The following PCYT1A variants were observed in gnomAD, a reference collection of about 807,000 sequenced individuals.
PCYT1A encodes phosphate cytidylyltransferase 1A, choline.
A neutral mutation model predicts 43.7 loss-of-function variants in PCYT1A; 25 were observed. That is an observed-to-expected ratio of 0.57 (90% CI 0.42 to 0.80). The LOEUF is 0.80. Ranked by LOEUF, PCYT1A falls within the 30% of genes least tolerant of loss-of-function variation. PCYT1A has a pLI of 0.00. For missense variants in PCYT1A, 421 were observed against 474.2 expected, an observed-to-expected ratio of 0.89 and a Z score of 1.04; for synonymous variants, 172 against 170.7, an observed-to-expected ratio of 1.01 and a Z score of -0.06.
chr3:196,263,693 C>T (rs995628345), intron 2 of PCYT1A, among the ~76,000 whole-genome samples: 8 of 152,004 alleles, frequency 5.3e-5, no homozygotes, highest in South Asian at 4.2e-4. Flanking sequence ...AGTACAGTGG[C>T]GCGATCTCGG....
Position 196,247,956 on chromosome 3 carries a change from G to C in PCYT1A, c.334+251C>G, listed in dbSNP as rs555889875. 18 of 535,944 alleles carry C rather than the reference G, an allele frequency of 3.4e-5. No homozygotes were observed. Among genetic ancestry groups the C allele is most frequent in the Admixed American group, 1.3e-4 (4 of 31,558 alleles). 33.2% of individuals were successfully genotyped at this position (535,944 alleles called of 1,614,324 possible). Reference sequence around the variant, plus strand: ...TTTTAAAGTGGACAACGGAAGTCACGGCTGCTCCTGTGACCACAGAAACTC... The same window carrying C: ...TTTTAAAGTGGACAACGGAAGTCACCGCTGCTCCTGTGACCACAGAAACTC... On this transcript the variant is annotated intron_variant, in intron 4 of 8. Coordinates refer to ENST00000431016, the MANE Select transcript of PCYT1A (RefSeq NM_001312673.2). This position sits in a 1 kb window ranked among gnomAD's most constrained non-coding sequence, Gnocchi z 4.8.
At position 196,247,403 on chromosome 3, in the gene PCYT1A, G is replaced by A. The variant is rs1179778695; in HGVS notation, c.450C>T (p.Pro150=). ...CCAGGAACTCGGGTGTCAGCGTCCA[G>A]GGCGCATTCCTCACCACCTCATCCA... ...RYVDEVVRNA[P]WTLTPEFLAE... The change falls in exon 5 of 9, where the codon CCC becomes CCT. Residue 150 remains proline, a synonymous_variant. Transcript: ENST00000431016. The surrounding 1 kb of genome is among the most constrained non-coding windows in gnomAD (Gnocchi z 4.8). 1 of 1,614,184 alleles carries A rather than the reference G, an allele frequency of 6.2e-7. No individual in the cohort carries two copies. Among genetic ancestry groups the A allele is most frequent in the Admixed American group, 1.7e-5 (1 of 60,030 alleles).
chr3:196,247,734 C>T lies in PCYT1A; in HGVS notation c.335-216G>A. 1 of 680,498 alleles carries T rather than the reference C, an allele frequency of 1.5e-6. No homozygotes were observed. Among genetic ancestry groups the T allele is most frequent in the Non-Finnish European group, 2.7e-6 (1 of 371,178 alleles). The allele number at this position is 680,498 out of a possible 1,614,324, so 42.2% of individuals were successfully genotyped here. ...ACACTCACTAAACAGTATGTTCATA[C>T]TTTGGAGAAGGGACAGTACAACAGG... is the stretch of plus-strand genomic sequence containing the variant. On this transcript the variant is annotated intron_variant, in intron 4 of 8. Transcript: ENST00000431016. The surrounding 1 kb of genome is among the most constrained non-coding windows in gnomAD (Gnocchi z 4.8).
intron 1 of PCYT1A, among the ~76,000 whole-genome samples, chr3:196,279,415 C>CT (rs1358574814): frequency 6.6e-6 from 1 of 152,098 alleles, no homozygotes; most frequent in Non-Finnish European, 1.5e-5. Context: ...AGCACAGACT[C>CT]TAAATATGGA....
intron 2 of PCYT1A, 82 bp from the exon 3 acceptor site, chr3:196,257,969 A>C: frequency 7.8e-6 from 6 of 771,434 alleles, no homozygotes; most frequent in Non-Finnish European, 8.6e-6. Context: ...AGATGAGAGA[A>C]AGGAGATTGA....
Position 196,277,608 on chromosome 3 carries a change from T to C in PCYT1A, c.-10-7067A>G, listed in dbSNP as rs1012855619. Among the ~76,000 whole-genome samples the C allele has an allele frequency of 6.6e-6, 1 of 152,158 alleles. No individual in the cohort carries two copies. Among genetic ancestry groups the C allele is most frequent in the Non-Finnish European group, 1.5e-5 (1 of 68,016 alleles). On this transcript the variant is annotated intron_variant, in intron 1 of 8. Coordinates refer to ENST00000431016, the MANE Select transcript of PCYT1A (RefSeq NM_001312673.2). This position sits in a 1 kb window ranked among gnomAD's most constrained non-coding sequence, Gnocchi z 4.1. ...ACTCTGGGCTGGGCGCGGTGGCTCA[T>C]GCCTGTAATCCCAGCACTTTGGGAG...
At chr3:196,286,824 GAA>G (rs1229154437) in intron 1 of PCYT1A, among the ~76,000 whole-genome samples, 6 of 152,216 alleles carry the variant, frequency 3.9e-5, no homozygotes, top group African/African-American at 1.4e-4. Flanking sequence ...TGAGACAAGA[GAA>G]TCGCTTGAAC....
intron 1 of PCYT1A, among the ~76,000 whole-genome samples, chr3:196,278,739 G>A (rs1219719758): frequency 1.3e-5 from 2 of 152,132 alleles, no homozygotes; most frequent in African/African-American, 2.4e-5. Context: ...CAGCACTTTG[G>A]GAGACCAAGG....
intron 1 of PCYT1A, among the ~76,000 whole-genome samples, chr3:196,284,488 T>C (rs2108784630): frequency 6.6e-6 from 1 of 152,292 alleles, no homozygotes; most frequent in Non-Finnish European, 1.5e-5. Context: ...GGTTAGAAAA[T>C]CTACAACAAG....
In PCYT1A at chr3:196,285,018, C is replaced by G. The variant is rs1196205573; in HGVS notation, c.-11+2597G>C. Among the ~76,000 whole-genome samples, 2 of 152,326 alleles carry G rather than the reference C, an allele frequency of 1.3e-5. 1 individual carries two copies. The highest frequency in any genetic ancestry group is 4.1e-4 in the South Asian group (2 of 4,834). On this transcript the variant is annotated intron_variant, in intron 1 of 8. Coordinates refer to ENST00000431016, the MANE Select transcript of PCYT1A (RefSeq NM_001312673.2). ...CCACCATTCTCAACTCATTCCCATT[C>G]AAGAACCTATCTGAACTCTATTCCC...
chr3:196,274,003 C>T, intron 1 of PCYT1A, among the ~76,000 whole-genome samples: 1 of 152,242 alleles, frequency 6.6e-6, no homozygotes, highest in East Asian at 1.9e-4. Flanking sequence ...CCTTGGCGTC[C>T]CCTCCTGTGC....
At chr3:196,275,968 G>A (rs1332902371) in intron 1 of PCYT1A, among the ~76,000 whole-genome samples, 1 of 150,906 alleles carries the variant, frequency 6.6e-6, no homozygotes, top group African/African-American at 2.4e-5. Flanking sequence ...GTGGTGGCGG[G>A]CACCTGTAGT....
At position 196,252,121 on chromosome 3, in the gene PCYT1A, C is replaced by T. The variant is rs1311298527; in HGVS notation, c.218-3798G>A. ...CCCCGCAGACTACAGCGCACCCCGCCACGCCCCACTGGCTACAGTGCACAC... is the reference window on the plus strand; with the variant it reads ...CCCCGCAGACTACAGCGCACCCCGCTACGCCCCACTGGCTACAGTGCACAC... On this transcript the variant is annotated intron_variant, in intron 3 of 8. Coordinates refer to ENST00000431016, the MANE Select transcript of PCYT1A (RefSeq NM_001312673.2). The surrounding 1 kb of genome is among the most constrained non-coding windows in gnomAD (Gnocchi z 4.0). 6.6e-6 allele frequency among the ~76,000 whole-genome samples: 1 copy of T among 151,454 alleles called. No homozygotes were observed. The highest frequency in any genetic ancestry group is 2.4e-5 in the African/African-American group (1 of 41,326).
rs963945938 is a variant in PCYT1A, at chr3:196,247,212, T to G, written c.486+155A>C. On this transcript the variant is annotated intron_variant, in intron 5 of 8. Coordinates refer to ENST00000431016, the MANE Select transcript of PCYT1A (RefSeq NM_001312673.2). This position sits in a 1 kb window ranked among gnomAD's most constrained non-coding sequence, Gnocchi z 4.8. ...GCCCCATATAAACGTCAGGGGTGAC[T>G]GTTATCACTAGTAATATCACTGTCA... is the stretch of plus-strand genomic sequence containing the variant. Among the ~76,000 whole-genome samples, 10 of 152,358 alleles carry G rather than the reference T, an allele frequency of 6.6e-5. No individual in the cohort carries two copies. The highest frequency in any genetic ancestry group is 2.4e-4 in the African/African-American group (10 of 41,590).
rs1194024818 is a variant in PCYT1A at position 196,237,638 on chromosome 3, T to A, written c.*1050A>T. 6.6e-6 allele frequency: 1 copy of A among 152,246 alleles called. No individual in the cohort carries two copies. The highest frequency in any genetic ancestry group is 1.9e-4 in the East Asian group (1 of 5,200). The allele number at this position is 152,246 out of a possible 1,614,324, so 9.4% of individuals were successfully genotyped here. On this transcript the variant is annotated 3_prime_UTR_variant, in exon 9 of 9. Transcript: ENST00000431016. ...AGAAAGGAAGGTGTTTCCTATGCTT[T>A]TGCCTTTACATTCTGTGCAAATCTC...
At chr3:196,262,159 A>T (rs779529990) in intron 2 of PCYT1A, among the ~76,000 whole-genome samples, 1 of 152,214 alleles carries the variant, frequency 6.6e-6, no homozygotes, top group Non-Finnish European at 1.5e-5. Context: ...ATGCCACAGT[A>T]TCGCTTTCAA....
At chr3:196,239,301 G>A (rs142139330) in intron 8 of PCYT1A, among the ~76,000 whole-genome samples, 402 of 152,274 alleles carry the variant, frequency 2.6e-3, no homozygotes, top group African/African-American at 9.0e-3. Flanking sequence ...TGGGCAAGGC[G>A]ACTTGCTTAT....
In PCYT1A at chr3:196,268,071, A is replaced by T. The variant is rs945026025; in HGVS notation, c.117+2344T>A. Among the ~76,000 whole-genome samples the T allele has an allele frequency of 9.9e-5, 15 of 152,134 alleles. No homozygotes were observed. The highest frequency in any genetic ancestry group is 3.6e-4 in the African/African-American group (15 of 41,428). On this transcript the variant is annotated intron_variant, in intron 2 of 8. Transcript: ENST00000431016. This position sits in a 1 kb window ranked among gnomAD's most constrained non-coding sequence, Gnocchi z 4.4. ...AGCAGCAAGTCACTGAACTGATTTC[A>T]CATGAATATATGAAGCAAAGTAATT...
chr3:196,271,455 G>T lies in PCYT1A; in HGVS notation c.-10-914C>A, dbSNP rs186035422. Among the ~76,000 whole-genome samples the T allele has an allele frequency of 2.2e-4, 33 of 152,360 alleles. No homozygotes were observed. The East Asian group carries it at 5.8e-3, about 27-fold the overall frequency. On this transcript the variant is annotated intron_variant, in intron 1 of 8. Coordinates refer to ENST00000431016, the MANE Select transcript of PCYT1A (RefSeq NM_001312673.2). ...ATTTTTTTAGGGGTCTTGCTAGGTT[G>T]TCCAGGCTGGAGCGCAGTGGCTACT... is the stretch of plus-strand genomic sequence containing the variant.
Sources: allele counts gnomAD v4.1 joint callset (sites outside exome capture counted in the v4.1 genomes callset), GRCh38; gene constraint gnomAD v4.1.1; non-coding constraint Gnocchi (gnomAD v3.1); transcripts MANE v1.5; gene names NCBI Gene and HGNC (gene_info 2026-07-23, HGNC 2026-07-21).